The following CCSER1 variants were observed in gnomAD, a reference collection of about 807,000 sequenced individuals.
CCSER1 encodes the protein serine-rich coiled-coil domain-containing protein 1.
In CCSER1, 41 loss-of-function variants were observed where a neutral mutation model predicts 82.0. The ratio of observed to expected loss-of-function variants is 0.50; its 90% CI spans 0.39 to 0.65. CCSER1 has a LOEUF of 0.65. CCSER1 is among the 30% of genes least tolerant of loss of function. The probability of loss-of-function intolerance (pLI) is 0.00; values close to 1 mark genes in which losing one functional copy is unlikely to be tolerated. For synonymous variants in CCSER1, 414 were observed against 383.9 expected, an observed-to-expected ratio of 1.08 and a Z score of -0.92; for missense variants, 1,119 against 1,064.2, an observed-to-expected ratio of 1.05 and a Z score of -0.72.
chr4:91,334,330 G>A (rs958114574), intron 10 of CCSER1, among the ~76,000 whole-genome samples: 6 of 151,850 alleles, frequency 4.0e-5, no homozygotes, highest in Non-Finnish European at 8.8e-5. Context: ...TGCTTCTTGA[G>A]GTATGTGTGT....
At chr4:90,377,779 A>G (rs1748592774) in intron 3 of CCSER1, among the ~76,000 whole-genome samples, 1 of 152,154 alleles carries the variant, frequency 6.6e-6, no homozygotes, top group South Asian at 2.1e-4. Flanking sequence ...TGAGATGAGC[A>G]TTTTTACAGG....
chr4:90,744,635 C>G (rs1747106384), intron 7 of CCSER1, among the ~76,000 whole-genome samples: 1 of 152,076 alleles, frequency 6.6e-6, no homozygotes. Context: ...CAATAGGAAC[C>G]AGTCACAAAG....
chr4:91,089,500 T>G (rs1431572592), intron 10 of CCSER1, among the ~76,000 whole-genome samples: 1 of 152,250 alleles, frequency 6.6e-6, no homozygotes, highest in Non-Finnish European at 1.5e-5. Context: ...TTTCCCACCT[T>G]TGAGACTCTC....
chr4:90,647,135 T>A (rs141082623), intron 6 of CCSER1, among the ~76,000 whole-genome samples: 2 of 152,314 alleles, frequency 1.3e-5, no homozygotes, highest in African/African-American at 4.8e-5. Flanking sequence ...CCTTATCTTA[T>A]TATAATGAGA....
At chr4:91,392,698 G>T (rs1751738707) in intron 10 of CCSER1, among the ~76,000 whole-genome samples, 1 of 152,084 alleles carries the variant, frequency 6.6e-6, no homozygotes, top group Non-Finnish European at 1.5e-5. Context: ...ATCTGGAAAT[G>T]TTGAAATGAT....
intron 3 of CCSER1, among the ~76,000 whole-genome samples, chr4:90,368,189 C>G (rs1246398799): frequency 6.6e-6 from 1 of 151,798 alleles, no homozygotes; most frequent in African/African-American, 2.4e-5. Context: ...TTTATAAATA[C>G]CTGGTTGTCA....
At chr4:90,976,080 A>C (rs886901184) in intron 9 of CCSER1, among the ~76,000 whole-genome samples, 7 of 151,256 alleles carry the variant, frequency 4.6e-5, no homozygotes, top group African/African-American at 7.3e-5. Flanking sequence ...AAATTGGTTC[A>C]GTTTGCTCTA....
At chr4:90,902,293 A>G (rs931158556) in intron 8 of CCSER1, among the ~76,000 whole-genome samples, 1 of 152,062 alleles carries the variant, frequency 6.6e-6, no homozygotes, top group East Asian at 1.9e-4. Context: ...ATGTCATTTT[A>G]GATTTTTAAT....
At chr4:90,854,544 T>C (rs115135921) in intron 8 of CCSER1, among the ~76,000 whole-genome samples, 150 of 152,312 alleles carry the variant, frequency 9.8e-4, no homozygotes, top group Non-Finnish European at 1.8e-3. Context: ...CTACAAATTG[T>C]TTCGGCTAAG....
chr4:91,270,075 C>T (rs553356467), intron 10 of CCSER1, among the ~76,000 whole-genome samples: 7 of 152,180 alleles, frequency 4.6e-5, no homozygotes, highest in Non-Finnish European at 7.4e-5. Flanking sequence ...ACACCAGCTC[C>T]AGATGTAGCT....
At chr4:90,974,705 A>T (rs970182213) in intron 9 of CCSER1, among the ~76,000 whole-genome samples, 4 of 151,456 alleles carry the variant, frequency 2.6e-5, no homozygotes, top group African/African-American at 9.7e-5. Flanking sequence ...ATAATAATAA[A>T]AAAAGATAGG....
intron 10 of CCSER1, among the ~76,000 whole-genome samples, chr4:91,108,546 A>G (rs1725833770): frequency 6.6e-6 from 1 of 152,228 alleles, no homozygotes; most frequent in African/African-American, 2.4e-5. Flanking sequence ...TGCTTTATAT[A>G]AAAATAAATT....
intron 7 of CCSER1, among the ~76,000 whole-genome samples, chr4:90,738,986 T>A (rs1746101895): frequency 6.6e-6 from 1 of 152,108 alleles, no homozygotes; most frequent in East Asian, 1.9e-4. Flanking sequence ...TGGTACAAGC[T>A]TCAGTAAAAA....
chr4:90,275,609 G>A (rs1727401228), intron 1 of CCSER1, among the ~76,000 whole-genome samples: 1 of 151,976 alleles, frequency 6.6e-6, no homozygotes, highest in Admixed American at 6.6e-5. Context: ...GGTGACAACA[G>A]AGAGTTTACC....
intron 4 of CCSER1, among the ~76,000 whole-genome samples, chr4:90,451,510 C>A (rs182274518): frequency 6.6e-6 from 1 of 152,162 alleles, no homozygotes. Context: ...AACCTTTGAG[C>A]ACTTGACAGG....
chr4:90,964,585 T>C (rs969062529), intron 9 of CCSER1, among the ~76,000 whole-genome samples: 9 of 150,696 alleles, frequency 6.0e-5, no homozygotes, highest in East Asian at 2.0e-4. Flanking sequence ...CTTAGCTGGG[T>C]GTGGTGGCAG....
At chr4:90,900,101 T>C (rs1216776039) in intron 8 of CCSER1, among the ~76,000 whole-genome samples, 1 of 149,046 alleles carries the variant, frequency 6.7e-6, no homozygotes, top group African/African-American at 2.4e-5. Flanking sequence ...AGAGTTTTTT[T>C]TTTTTTTTTT....
At chr4:91,510,606 G>A (rs909894880) in intron 10 of CCSER1, among the ~76,000 whole-genome samples, 1 of 152,092 alleles carries the variant, frequency 6.6e-6, no homozygotes, top group South Asian at 2.1e-4. Context: ...TTCCACGTTT[G>A]TTGGCCATTT....
Position 90,709,616 on chromosome 4 carries a change from G to A in CCSER1, c.1933-14298G>A, listed in dbSNP as rs6846119. Among the ~76,000 whole-genome samples, 698 of 152,068 alleles carry A rather than the reference G, an allele frequency of 4.6e-3. 8 individuals are homozygous for A. The highest frequency in any genetic ancestry group is 0.016 in the African/African-American group (666 of 41,494). ...ATGTCCATGTAAAGGGCATGATCCC[G>A]TTCTTTTTTATGGCTGCATAGTATA... On this transcript the variant is annotated intron_variant, in intron 6 of 10. Transcript: ENST00000509176.
Sources: allele counts gnomAD v4.1 joint callset (sites outside exome capture counted in the v4.1 genomes callset), GRCh38; gene constraint gnomAD v4.1.1; transcripts MANE v1.5; gene names NCBI Gene and HGNC (gene_info 2026-07-23, HGNC 2026-07-21).